DLEC1: variants seen among roughly 807,000 people sequenced by gnomAD.
DLEC1 encodes the protein deleted in lung and esophageal cancer protein 1.
DLEC1 carries 146 observed loss-of-function variants against 198.1 expected under a neutral mutation model. The ratio of observed to expected loss-of-function variants is 0.74; its 90% confidence interval spans 0.64 to 0.85. DLEC1 has a LOEUF of 0.85. Among genes scored for constraint, DLEC1 ranks in the 40% least tolerant of loss-of-function variants. DLEC1 has a pLI of 0.00. For missense variants in DLEC1, 2,233 were observed against 2,220.0 expected (o/e 1.01, Z -0.12); for synonymous variants, 897 against 866.8 (o/e 1.03, Z -0.61).
intron 6 of DLEC1, among the ~76,000 whole-genome samples, chr3:38,082,035 C>T (rs1698059407): frequency 7.7e-6 from 1 of 129,752 alleles, no homozygotes; most frequent in Non-Finnish European, 1.6e-5. Context: ...CCTCACTTCT[C>T]AGACGGGGTG....
At position 38,116,860 on chromosome 3, in the gene DLEC1, C is replaced by T; in HGVS notation, c.4150C>T (p.His1384Tyr). The change falls in exon 29 of 37, where the codon CAC becomes TAC. Residue 1384 changes from histidine to tyrosine, a missense_variant. Transcript: ENST00000308059. ...LQAHEGVPSG[H>Y]LYCISPKQVV... is the part of the protein sequence containing the mutation. ...GGCACATGAGGGGGTGCCCTCCGGC[C>T]ACCTGTACTGTATCAGCCCCAAGCA... is the stretch of plus-strand genomic sequence containing the variant. 6.2e-7 allele frequency: 1 copy of T among 1,613,734 alleles called. No individual in the cohort carries two copies. Among genetic ancestry groups the T allele is most frequent in the Non-Finnish European group, 8.5e-7 (1 of 1,179,860 alleles).
At chr3:38,070,878 A>G (rs931044614) in intron 6 of DLEC1, among the ~76,000 whole-genome samples, 4 of 152,200 alleles carry the variant, frequency 2.6e-5, no homozygotes, top group Non-Finnish European at 4.4e-5. Flanking sequence ...CCATCTGGGC[A>G]TATAGGTGCA....
At chr3:38,088,484 T>TCA in intron 10 of DLEC1, 96 bp downstream of exon 10, 1 of 1,181,868 alleles carries the variant, frequency 8.5e-7, no homozygotes, top group South Asian at 1.3e-5. Context: ...CCATCCCATA[T>TCA]CACAGCCTTA....
chr3:38,119,199 G>C (rs1024267303), intron 33 of DLEC1, among the ~76,000 whole-genome samples: 1 of 152,134 alleles, frequency 6.6e-6, no homozygotes, highest in South Asian at 2.1e-4. Flanking sequence ...CCCTCCATGC[G>C]CTAACAATGC....
chr3:38,089,285 G>C (rs1698622651), intron 10 of DLEC1, among the ~76,000 whole-genome samples: 1 of 152,214 alleles, frequency 6.6e-6, no homozygotes, highest in African/African-American at 2.4e-5. Flanking sequence ...GAGTTCACTA[G>C]ACTGGGCTGT....
intron 19 of DLEC1, 81 bp downstream of exon 19, chr3:38,100,506 A>G: frequency 7.1e-7 from 1 of 1,403,748 alleles, no homozygotes; most frequent in Non-Finnish European, 9.3e-7. Flanking sequence ...ATTTATCTAG[A>G]GATGTTCTGG....
intron 1 of DLEC1, among the ~76,000 whole-genome samples, 169 bp from the exon 2 acceptor site, chr3:38,045,374 C>T (rs1014188794): frequency 6.6e-6 from 1 of 152,116 alleles, no homozygotes; most frequent in African/African-American, 2.4e-5. Flanking sequence ...CCATTCCCCT[C>T]TATGGGTCTC....
chr3:38,061,736 T>A (rs1696698139), intron 3 of DLEC1, among the ~76,000 whole-genome samples: 2 of 152,142 alleles, frequency 1.3e-5, no homozygotes, highest in African/African-American at 4.8e-5. Context: ...AGCACAACCA[T>A]AACTCACTAC....
chr3:38,096,523 G>C, intron 14 of DLEC1, 46 bp from the exon 15 acceptor site: 1 of 1,582,818 alleles, frequency 6.3e-7, no homozygotes. Context: ...TCTAGGATGT[G>C]CTTCCAGGTG....
intron 1 of DLEC1, 92 bp from the exon 2 acceptor site, chr3:38,045,451 G>T: frequency 6.8e-7 from 1 of 1,465,564 alleles, no homozygotes. Flanking sequence ...ATGCTTCACT[G>T]GAAGCCCTGA....
intron 19 of DLEC1, among the ~76,000 whole-genome samples, chr3:38,102,750 A>C (rs767512442): frequency 1.3e-5 from 2 of 152,246 alleles, no homozygotes; most frequent in Non-Finnish European, 2.9e-5. Context: ...TGGGGAAAAC[A>C]GCCCTAAACA....
intron 2 of DLEC1, among the ~76,000 whole-genome samples, chr3:38,050,939 T>TG (rs1701085241): frequency 8.2e-6 from 1 of 121,620 alleles, no homozygotes; most frequent in Non-Finnish European, 1.8e-5. Flanking sequence ...TCTCTCTCTC[T>TG]CTTTTTTTTT....
intron 9 of DLEC1, among the ~76,000 whole-genome samples, chr3:38,087,505 T>C (rs1405512771): frequency 7.1e-6 from 1 of 141,808 alleles, no homozygotes; most frequent in South Asian, 2.3e-4. Flanking sequence ...ACACCATCCA[T>C]CAGCACTGAC....
chr3:38,050,861 T>G (rs1406920326), intron 2 of DLEC1, among the ~76,000 whole-genome samples: 1 of 152,162 alleles, frequency 6.6e-6, no homozygotes, highest in African/African-American at 2.4e-5. Context: ...GATGGGGGAA[T>G]GCATGTCTTC....
At chr3:38,092,678 CAG>C (rs1045803916) in intron 10 of DLEC1, 110 bp from the exon 11 acceptor site, 8 of 971,586 alleles carry the variant, frequency 8.2e-6, no homozygotes, top group Middle Eastern at 2.6e-4. Flanking sequence ...GGGAGGGGAA[CAG>C]AGAGTGAAGA....
intron 36 of DLEC1, 40 bp from the exon 37 acceptor site, chr3:38,122,249 C>CAGGT: frequency 6.2e-7 from 1 of 1,608,118 alleles, no homozygotes. Context: ...ACCCCCTGCC[C>CAGGT]AGGTGCCTCC....
intron 2 of DLEC1, among the ~76,000 whole-genome samples, chr3:38,056,107 ACACACAC>A (rs1696356034): frequency 6.5e-5 from 9 of 139,128 alleles, no homozygotes; most frequent in African/African-American, 2.4e-4. Flanking sequence ...ACACACACAC[ACACACAC>A]ACAAATAGCT....
chr3:38,100,093 G>A (rs1699227637), intron 18 of DLEC1, among the ~76,000 whole-genome samples, 193 bp from the exon 19 acceptor site: 1 of 152,202 alleles, frequency 6.6e-6, no homozygotes, highest in African/African-American at 2.4e-5. Flanking sequence ...TGGAGACTCA[G>A]TTTCTATGCT....
At position 38,114,442 on chromosome 3, in the gene DLEC1, A is replaced by G. The variant is rs1245691740; in HGVS notation, c.3767A>G (p.Gln1256Arg). The change falls in exon 26 of 37, where the codon CAG (glutamine) becomes CGG (arginine). Residue 1256 changes from glutamine (Q) to arginine (R), a missense_variant. Coordinates refer to ENST00000308059, the MANE Select transcript of DLEC1 (RefSeq NM_007335.4). ...ACCTCCTACACTATTGACCAGGCCC[A>G]GAAGGAACCAGCCATGAGGTGCTCC... ...RTTSYTIDQA[Q>R]KEPAMRFGTQ... is the part of the protein sequence containing the mutation. 3 of 1,614,198 alleles carry G rather than the reference A, an allele frequency of 1.9e-6. No homozygotes were observed. The highest frequency in any genetic ancestry group is 2.5e-6 in the Non-Finnish European group (3 of 1,180,016).
Sources: allele counts gnomAD v4.1 joint callset (sites outside exome capture counted in the v4.1 genomes callset), GRCh38; gene constraint gnomAD v4.1.1; transcripts MANE v1.5; gene names NCBI Gene and HGNC (gene_info 2026-07-23, HGNC 2026-07-21).